EML1: variants seen among roughly 807,000 people sequenced by gnomAD.
The protein encoded by EML1 is echinoderm microtubule-associated protein-like 1.
A neutral mutation model predicts 110.4 loss-of-function variants in EML1; 27 were observed. The ratio of observed to expected loss-of-function variants is 0.24; its 90% CI spans 0.18 to 0.34. The LOEUF (loss-of-function observed/expected upper bound fraction) is 0.34. Ranked by LOEUF, EML1 falls within the 10% of genes least tolerant of loss-of-function variation. The pLI is 1.00. For missense variants in EML1, 741 were observed against 1,030.9 expected (o/e 0.72, Z 3.85); for synonymous variants, 344 against 385.8 (o/e 0.89, Z 1.27).
chr14:99,809,503 C>T (rs2058038195), intron 1 of EML1: 21 of 381,756 alleles, frequency 5.5e-5, no homozygotes, highest in South Asian at 4.1e-4. Context: ...GTGTCCAGCA[C>T]TTGGACAGGC....
At chr14:99,875,287 A>C (rs745803562) in intron 3 of EML1, among the ~76,000 whole-genome samples, 1 of 152,202 alleles carries the variant, frequency 6.6e-6, no homozygotes, top group Non-Finnish European at 1.5e-5. Context: ...AAGTTGCTTC[A>C]CACTCCTGAA....
intron 2 of EML1, among the ~76,000 whole-genome samples, chr14:99,853,539 G>C (rs1303008050): frequency 6.6e-6 from 1 of 152,192 alleles, no homozygotes; most frequent in Non-Finnish European, 1.5e-5. Context: ...TCATGGTTGG[G>C]GTGGGGAGTC....
chr14:99,878,371 G>A, intron 3 of EML1, 114 bp from the exon 4 acceptor site: 1 of 1,456,294 alleles, frequency 6.9e-7, no homozygotes, highest in Admixed American at 2.4e-5. Flanking sequence ...TGCTAGGCCT[G>A]TCTTTTGAAT....
intron 1 of EML1, among the ~76,000 whole-genome samples, chr14:99,815,324 A>G (rs1457452680): frequency 6.6e-6 from 1 of 151,538 alleles, no homozygotes; most frequent in African/African-American, 2.4e-5. Context: ...TGTATTTTTA[A>G]TAGAGACGGG....
intron 15 of EML1, 38 bp from the exon 16 acceptor site, chr14:99,917,744 T>C: frequency 2.5e-6 from 4 of 1,604,344 alleles, no homozygotes; most frequent in Non-Finnish European, 3.4e-6. Context: ...TAGTGTTCTA[T>C]CTGTTCATCA....
chr14:99,878,717 TG>T, intron 4 of EML1, 98 bp downstream of exon 4: 1 of 1,486,402 alleles, frequency 6.7e-7, no homozygotes. Flanking sequence ...TCCAACAAGC[TG>T]GGAGTACTCT....
intron 1 of EML1, among the ~76,000 whole-genome samples, chr14:99,826,105 A>ATTTTTTTTTTTTTTTTT (rs71113225): frequency 1.3e-5 from 1 of 79,962 alleles, no homozygotes; most frequent in African/African-American, 5.1e-5. Flanking sequence ...CTGTGCATTG[A>ATTTTTTTTTTTTTTTTT]TTTTTTTTTT....
chr14:99,756,099 G>A (rs2057250529), intron 1 of EML1, among the ~76,000 whole-genome samples: 1 of 152,252 alleles, frequency 6.6e-6, no homozygotes, highest in African/African-American at 2.4e-5. Flanking sequence ...ATGCAGCCAA[G>A]AAGGGGAGTT....
At chr14:99,795,749 A>G (rs572508057) in intron 1 of EML1, among the ~76,000 whole-genome samples, 1 of 152,366 alleles carries the variant, frequency 6.6e-6, no homozygotes, top group South Asian at 2.1e-4. Context: ...TGAGAGACTT[A>G]CATTACAATG....
chr14:99,917,847 G>C lies in EML1; in HGVS notation c.1818G>C (p.Gly606=). ...TGGTTGCAGTCGGAACACTCACTGG[G>C]AGGTAAGTCCATGCCAACAGCGCTT... ...GSVVAVGTLT[G]RWFVFDTETK... Residue 606 remains glycine (G), a splice_region_variant and synonymous_variant, in exon 16 of 22, where the codon GGG becomes GGC. Transcript: ENST00000262233. 1 of 1,614,182 alleles carries C rather than the reference G, an allele frequency of 6.2e-7. No individual in the cohort carries two copies. The highest frequency in any genetic ancestry group is 8.5e-7 in the Non-Finnish European group (1 of 1,180,012).
chr14:99,747,565 C>T (rs892789863), intron 1 of EML1, among the ~76,000 whole-genome samples: 10 of 152,150 alleles, frequency 6.6e-5, no homozygotes, highest in Admixed American at 1.3e-4. Flanking sequence ...CTGTCAGAGA[C>T]CCAAGGAACA....
intron 20 of EML1, among the ~76,000 whole-genome samples, chr14:99,938,252 T>G (rs1246854225): frequency 6.6e-6 from 1 of 152,230 alleles, no homozygotes; most frequent in Non-Finnish European, 1.5e-5. Flanking sequence ...TTGTGAGGGT[T>G]ATTATTTATA....
At chr14:99,812,500 G>A (rs566526831) in intron 1 of EML1, among the ~76,000 whole-genome samples, 12 of 151,856 alleles carry the variant, frequency 7.9e-5, no homozygotes, top group Middle Eastern at 3.4e-3. Flanking sequence ...CTTCCCTGCC[G>A]TCCACCTCCC....
chr14:99,816,604 GTCT>G (rs1566879878), intron 1 of EML1, among the ~76,000 whole-genome samples: 1 of 152,258 alleles, frequency 6.6e-6, no homozygotes. Context: ...TGGTCCATAG[GTCT>G]TCTTCTGACC....
At chr14:99,833,474 T>C (rs2058493238) in intron 1 of EML1, among the ~76,000 whole-genome samples, 1 of 152,226 alleles carries the variant, frequency 6.6e-6, no homozygotes, top group Non-Finnish European at 1.5e-5. Flanking sequence ...TTCTTCACAT[T>C]TCCATGTGCA....
intron 3 of EML1, among the ~76,000 whole-genome samples, chr14:99,874,484 A>G (rs1278711504): frequency 1.3e-5 from 2 of 152,218 alleles, no homozygotes; most frequent in East Asian, 3.8e-4. Context: ...CAGAGAGAAC[A>G]TAGCTTCTTT....
At position 99,886,000 on chromosome 14, in the gene EML1, G is replaced by A. The variant is rs886989956; in HGVS notation, c.519-5199G>A. 1.5e-5 allele frequency: 6 copies of A among 402,466 alleles called. No homozygotes were observed. The Admixed American group carries it at 2.0e-4, about 13-fold the overall frequency. 24.9% of individuals were successfully genotyped at this position (402,466 alleles called of 1,614,324 possible). A position where few individuals can be genotyped will look rare whatever the true frequency, so the allele number is the denominator to read the frequency against. On this transcript the variant is annotated intron_variant, in intron 4 of 21. Coordinates refer to ENST00000262233, the MANE Select transcript of EML1 (RefSeq NM_004434.3). ...GGAAGTATTGGTTGGAAATGTCTATGAAGCAGTCGCTTTTGTCCCAAATAA... is the reference window on the plus strand; with the variant it reads ...GGAAGTATTGGTTGGAAATGTCTATAAAGCAGTCGCTTTTGTCCCAAATAA...
intron 1 of EML1, among the ~76,000 whole-genome samples, chr14:99,823,212 T>C (rs1284875367): frequency 6.6e-6 from 1 of 152,108 alleles, no homozygotes; most frequent in African/African-American, 2.4e-5. Flanking sequence ...TTAATAAAAT[T>C]GCCACTTAAG....
rs117437353 is a variant in EML1, at chr14:99,913,099, G to A, written c.1495-1080G>A. On this transcript the variant is annotated intron_variant, in intron 13 of 21. Transcript: ENST00000262233. Reference sequence around the variant, plus strand: ...TTAGATTATTCCATATGTTTATGTCGATTTTTAAACTGAACAGAATGACAT... The same window carrying A: ...TTAGATTATTCCATATGTTTATGTCAATTTTTAAACTGAACAGAATGACAT... Among the ~76,000 whole-genome samples the A allele has an allele frequency of 2.1e-4, 32 of 152,080 alleles. No individual in the cohort carries two copies. In the East Asian group the frequency reaches 4.8e-3, roughly 23 times the overall value.
Sources: gnomAD v4.1 joint callset for allele counts (sites outside exome capture counted in the v4.1 genomes callset) on GRCh38, gnomAD v4.1.1 for gene constraint, MANE v1.5 for transcripts, NCBI Gene and HGNC (gene_info 2026-07-23, HGNC 2026-07-21) for gene names.